Variants in PPARGC1A observed in about 807,000 individuals in gnomAD.
PPARGC1A encodes PPARG coactivator 1 alpha.
Under a neutral mutation model 88.7 loss-of-function variants are expected in PPARGC1A, and 25 were observed. The observed-to-expected ratio is 0.28, with a 90% CI of 0.21 to 0.39. The LOEUF (loss-of-function observed/expected upper bound fraction) is 0.39, where lower values mean the gene tolerates loss of function less well. Among genes scored for constraint, PPARGC1A ranks in the 10% least tolerant of loss-of-function variants. The pLI, the probability that PPARGC1A is intolerant of heterozygous loss-of-function variation, is 1.00. For missense variants in PPARGC1A, 880 were observed against 968.7 expected, an observed-to-expected ratio of 0.91 and a Z score of 1.22; for synonymous variants, 363 against 355.6, an observed-to-expected ratio of 1.02 and a Z score of -0.24.
chr4:24,255,192 CTT>C, the PPARGC1A span, among the ~76,000 whole-genome samples: 1 of 152,160 alleles, frequency 6.6e-6, no homozygotes, highest in Non-Finnish European at 1.5e-5. Context: ...CAAATACATT[CTT>C]GTTCATTTGC....
the PPARGC1A span, among the ~76,000 whole-genome samples, chr4:24,247,956 AGTT>A: frequency 6.6e-6 from 1 of 152,178 alleles, no homozygotes; most frequent in East Asian, 1.9e-4. Context: ...CTGGGCACAG[AGTT>A]TCCCTTCCCT....
At chr4:23,812,438 G>A (rs899643902) in intron 10 of PPARGC1A, among the ~76,000 whole-genome samples, 4 of 151,992 alleles carry the variant, frequency 2.6e-5, no homozygotes, top group South Asian at 2.1e-4. Context: ...CCTGTGATCA[G>A]AAAGAACAAA....
the PPARGC1A span, among the ~76,000 whole-genome samples, chr4:24,130,678 A>G: frequency 1.3e-5 from 2 of 152,038 alleles, no homozygotes; most frequent in Non-Finnish European, 2.9e-5. Flanking sequence ...TCTCCACATC[A>G]CTTCACATCT....
chr4:24,329,424 C>G, the PPARGC1A span, among the ~76,000 whole-genome samples: 3 of 152,124 alleles, frequency 2.0e-5, no homozygotes, highest in African/African-American at 7.2e-5. Context: ...GCTCCGGCTC[C>G]TGCCACTGGC....
At chr4:24,203,222 A>C in the PPARGC1A span, among the ~76,000 whole-genome samples, 1 of 152,218 alleles carries the variant, frequency 6.6e-6, no homozygotes, top group East Asian at 1.9e-4. Context: ...AAGAGCACAG[A>C]AAACCTTCTG....
the PPARGC1A span, among the ~76,000 whole-genome samples, chr4:24,169,184 T>C: frequency 1.3e-5 from 2 of 152,184 alleles, no homozygotes; most frequent in African/African-American, 4.8e-5. Context: ...AAAACAAGAC[T>C]AATCCCAGGT....
chr4:24,066,849 G>GTTTTTTTTTTTTT, the PPARGC1A span, among the ~76,000 whole-genome samples: 5 of 100,880 alleles, frequency 5.0e-5, no homozygotes, highest in East Asian at 2.9e-4. Flanking sequence ...TTTGTTTTGG[G>GTTTTTTTTTTTTT]TTTTTTTTTT....
the PPARGC1A span, among the ~76,000 whole-genome samples, chr4:24,347,821 G>GT: frequency 2.0e-5 from 3 of 151,830 alleles, no homozygotes; most frequent in African/African-American, 7.3e-5. Context: ...CTGTGCTTCG[G>GT]TTTTTTTGTT....
chr4:23,798,971 T>C (rs1325134763), intron 12 of PPARGC1A, among the ~76,000 whole-genome samples: 1 of 152,200 alleles, frequency 6.6e-6, no homozygotes, highest in Non-Finnish European at 1.5e-5. Context: ...AAATAGGATG[T>C]ATAAGCTAAC....
chr4:23,910,353 T>TATATTATATATTATATA, the PPARGC1A span, among the ~76,000 whole-genome samples: 14 of 85,082 alleles, frequency 1.6e-4, no homozygotes, highest in African/African-American at 7.5e-4. Flanking sequence ...ATATATTATA[T>TATATTATATATTATATA]ATATTATATA....
the PPARGC1A span, among the ~76,000 whole-genome samples, chr4:24,324,757 T>G: frequency 2.0e-5 from 3 of 152,144 alleles, no homozygotes; most frequent in African/African-American, 7.2e-5. Context: ...CATCAGTCCC[T>G]TCCTAGTCTC....
At chr4:23,894,663 CTA>C (rs1718308877), upstream of PPARGC1A, among the ~76,000 whole-genome samples, 1 of 152,060 alleles carries the variant, frequency 6.6e-6, no homozygotes, top group South Asian at 2.1e-4. Context: ...GAGTCAGCCT[CTA>C]TTTTAATTTG....
intron 2 of PPARGC1A, among the ~76,000 whole-genome samples, chr4:23,858,925 T>C (rs1381111927): frequency 6.7e-6 from 1 of 149,084 alleles, no homozygotes; most frequent in African/African-American, 2.4e-5. Context: ...AAATATAAAT[T>C]ATATAGATTT....
At chr4:24,060,201 C>T in the PPARGC1A span, among the ~76,000 whole-genome samples, 1 of 152,110 alleles carries the variant, frequency 6.6e-6, no homozygotes. Context: ...CAAACCAAAC[C>T]AAAGAGACAA....
chr4:24,278,492 A>T, the PPARGC1A span, among the ~76,000 whole-genome samples: 2 of 152,334 alleles, frequency 1.3e-5, no homozygotes, highest in Admixed American at 1.3e-4. Flanking sequence ...CTCTAATTAT[A>T]AAAGGTTATG....
chr4:23,887,202 C>T lies in PPARGC1A; in HGVS notation c.55-2271G>A, dbSNP rs193239795. Among the ~76,000 whole-genome samples the T allele has an allele frequency of 4.1e-4, 62 of 150,414 alleles. 1 individual carries two copies. Among genetic ancestry groups the T allele is most frequent in the African/African-American group, 1.4e-3 (59 of 41,516 alleles). The stretch of plus-strand genomic sequence containing the variant: ...CCTTCCTCTCACTTGTTCGCTCGTG[C>T]GCTCTCTCTCTCTCTCTCATTTTGC... On this transcript the variant is annotated intron_variant, in intron 1 of 12. Transcript: ENST00000264867.
the PPARGC1A span, among the ~76,000 whole-genome samples, chr4:24,100,663 A>G: frequency 6.6e-6 from 1 of 152,218 alleles, no homozygotes; most frequent in Non-Finnish European, 1.5e-5. Flanking sequence ...CTTGGAATTA[A>G]ATGAGTGATG....
chr4:24,457,799 G>A, the PPARGC1A span, among the ~76,000 whole-genome samples: 2 of 152,026 alleles, frequency 1.3e-5, no homozygotes, highest in Admixed American at 6.6e-5. Flanking sequence ...TCTTGACCTC[G>A]TGATCCACCC....
chr4:24,271,458 A>G, the PPARGC1A span, among the ~76,000 whole-genome samples: 2 of 151,992 alleles, frequency 1.3e-5, no homozygotes, highest in African/African-American at 4.8e-5. Flanking sequence ...GCTCACTGTA[A>G]GCTCCACCAC....
Sources: gnomAD v4.1 joint callset for allele counts (sites outside exome capture counted in the v4.1 genomes callset) on GRCh38, gnomAD v4.1.1 for gene constraint, MANE v1.5 for transcripts, NCBI Gene and HGNC (gene_info 2026-07-23, HGNC 2026-07-21) for gene names.